The following SULF2 variants were observed in gnomAD, a reference collection of about 807,000 sequenced individuals.
The protein encoded by SULF2 is sulfatase 2.
Under a neutral mutation model 107.7 loss-of-function variants are expected in SULF2, and 52 were observed. That is an observed-to-expected ratio of 0.48 (90% CI 0.39 to 0.61). SULF2 has a LOEUF of 0.61. Ranked by LOEUF, SULF2 falls within the 20% of genes least tolerant of loss-of-function variation. SULF2 has a pLI of 0.00. For missense variants in SULF2, 993 were observed against 1,177.3 expected, an observed-to-expected ratio of 0.84 and a Z score of 2.29; for synonymous variants, 460 against 464.3, an observed-to-expected ratio of 0.99 and a Z score of 0.12.
chr20:47,705,174 G>A (rs1465334458), intron 3 of SULF2, among the ~76,000 whole-genome samples: 1 of 152,218 alleles, frequency 6.6e-6, no homozygotes, highest in Admixed American at 6.5e-5. Flanking sequence ...GGGAGGAGCT[G>A]ATGAAACACC....
intron 2 of SULF2, among the ~76,000 whole-genome samples, chr20:47,753,418 T>C (rs1054137159): frequency 3.9e-5 from 6 of 152,214 alleles, no homozygotes; most frequent in African/African-American, 1.2e-4. Context: ...AAGAAGAAAG[T>C]CTTGGCAGGT....
At position 47,673,940 on chromosome 20, in the gene SULF2, G is replaced by T. The variant is rs576220536; in HGVS notation, c.1381-1547C>A. On this transcript the variant is annotated intron_variant, in intron 10 of 20. Transcript: ENST00000688720. ...CTGTCCACTTAGCTCTCTCTGCCTG[G>T]AATTCTCCTTCCCCACTGCCTGCTC... Among the ~76,000 whole-genome samples the T allele has an allele frequency of 3.9e-5, 6 of 152,306 alleles. 1 individual carries two copies. In the South Asian group the frequency reaches 8.3e-4, roughly 21 times the overall value.
intron 4 of SULF2, among the ~76,000 whole-genome samples, chr20:47,691,470 A>G (rs2088194434): frequency 6.6e-6 from 1 of 152,174 alleles, no homozygotes; most frequent in East Asian, 1.9e-4. Flanking sequence ...GCCCACCCCC[A>G]GAGATTCTGG....
intron 2 of SULF2, among the ~76,000 whole-genome samples, chr20:47,752,583 AC>A (rs1366329311): frequency 7.4e-5 from 9 of 122,150 alleles, no homozygotes; most frequent in East Asian, 2.5e-4. Flanking sequence ...AAAAAAAAAA[AC>A]CCCAAAAACT....
intron 5 of SULF2, chr20:47,689,877 C>G: frequency 2.7e-6 from 1 of 369,524 alleles, no homozygotes; most frequent in Non-Finnish European, 4.8e-6. Flanking sequence ...CAGTTCCATC[C>G]ACACACCTCT....
At chr20:47,745,309 C>A (rs2089979812) in intron 2 of SULF2, among the ~76,000 whole-genome samples, 1 of 148,086 alleles carries the variant, frequency 6.8e-6, no homozygotes, top group Admixed American at 6.8e-5. Flanking sequence ...AGCCACCCTG[C>A]ACCTCAGTTT....
intron 4 of SULF2, among the ~76,000 whole-genome samples, chr20:47,701,037 T>C (rs1472683185): frequency 2.0e-5 from 3 of 152,176 alleles, no homozygotes; most frequent in Non-Finnish European, 4.4e-5. Flanking sequence ...CTAAAAGCCA[T>C]GGACAAAGAT....
At chr20:47,690,722 T>C (rs1050916749) in intron 4 of SULF2, among the ~76,000 whole-genome samples, 3 of 151,926 alleles carry the variant, frequency 2.0e-5, no homozygotes, top group African/African-American at 7.3e-5. Context: ...ATACAAAAAT[T>C]AGCCAGGCGT....
intron 1 of SULF2, among the ~76,000 whole-genome samples, chr20:47,767,878 C>T (rs2090555512): frequency 6.6e-6 from 1 of 150,948 alleles, no homozygotes; most frequent in African/African-American, 2.4e-5. Context: ...CACTGCACTC[C>T]AGCCTAGGCG....
At chr20:47,676,670 G>C in intron 9 of SULF2, 47 bp from the exon 10 acceptor site, 1 of 1,544,804 alleles carries the variant, frequency 6.5e-7, no homozygotes, top group Admixed American at 2.0e-5. Flanking sequence ...CTCAGCTCTG[G>C]AGGAGCCCCG....
chr20:47,763,219 T>C (rs1025701633), intron 1 of SULF2, among the ~76,000 whole-genome samples: 4 of 152,188 alleles, frequency 2.6e-5, no homozygotes, highest in African/African-American at 9.7e-5. Context: ...CTCCAGGACC[T>C]TGGCAAAGGC....
intron 3 of SULF2, among the ~76,000 whole-genome samples, chr20:47,703,121 C>T (rs1166024720): frequency 3.3e-5 from 5 of 151,952 alleles, no homozygotes; most frequent in South Asian, 4.2e-4. Flanking sequence ...GACAGGGTTT[C>T]ACCATGTTGG....
chr20:47,714,511 C>A (rs1161114665), intron 3 of SULF2, among the ~76,000 whole-genome samples: 2 of 152,188 alleles, frequency 1.3e-5, no homozygotes, highest in East Asian at 1.9e-4. Context: ...CAAGCCACCA[C>A]TGCCTCTGCC....
chr20:47,659,003 AGTGAGAGT>A (rs2086982113), intron 20 of SULF2, among the ~76,000 whole-genome samples: 1 of 152,154 alleles, frequency 6.6e-6, no homozygotes, highest in Non-Finnish European at 1.5e-5. Flanking sequence ...ATGGCACTGG[AGTGAGAGT>A]TTGTAGCATG....
At chr20:47,730,050 G>A (rs1568869983) in intron 3 of SULF2, among the ~76,000 whole-genome samples, 1 of 147,862 alleles carries the variant, frequency 6.8e-6, no homozygotes, top group African/African-American at 2.5e-5. Flanking sequence ...GGACACAGAG[G>A]CCCCCCAGAC....
chr20:47,719,225 T>A (rs557757766), intron 3 of SULF2, among the ~76,000 whole-genome samples: 3 of 152,362 alleles, frequency 2.0e-5, no homozygotes, highest in African/African-American at 7.2e-5. Flanking sequence ...ATTTTATGTG[T>A]AAAGAAGCAT....
Position 47,678,394 on chromosome 20 carries a change from T to A in SULF2, c.1193+282A>T, listed in dbSNP as rs6018635. The A allele has an allele frequency of 0.3, 119,088 of 394,580 alleles. 18,908 individuals are homozygous for A. Among genetic ancestry groups the A allele is most frequent in the Middle Eastern group, 0.42 (586 of 1,384 alleles). 24.4% of individuals were successfully genotyped at this position (394,580 alleles called of 1,614,324 possible). A position where few individuals can be genotyped will look rare whatever the true frequency, so the allele number is the denominator to read the frequency against. On this transcript the variant is annotated intron_variant, in intron 8 of 20. Coordinates refer to ENST00000688720, the MANE Select transcript of SULF2 (RefSeq NM_001387048.1). The surrounding 1 kb of genome is among the most constrained non-coding windows in gnomAD (Gnocchi z 4.5). ...CACAAGCGCCGTGCAGTTAGCACCA[T>A]CTCCTACCATCACTGCTGCTATCAT... is the stretch of plus-strand genomic sequence containing the variant.
chr20:47,697,472 C>G (rs2088419843), intron 4 of SULF2, among the ~76,000 whole-genome samples: 1 of 152,206 alleles, frequency 6.6e-6, no homozygotes, highest in South Asian at 2.1e-4. Flanking sequence ...TGATCTAGGG[C>G]CCAGGGCACA....
At chr20:47,751,749 G>A (rs73137515) in intron 2 of SULF2, among the ~76,000 whole-genome samples, 15,626 of 152,224 alleles carry the variant, frequency 0.1, 988 homozygotes, top group South Asian at 0.22. Flanking sequence ...CTCGAGTTGG[G>A]TTTACATCAC....
Sources: gnomAD v4.1 joint callset for allele counts (sites outside exome capture counted in the v4.1 genomes callset) on GRCh38, gnomAD v4.1.1 for gene constraint, Gnocchi (gnomAD v3.1) non-coding constraint, MANE v1.5 for transcripts, NCBI Gene and HGNC (gene_info 2026-07-23, HGNC 2026-07-21) for gene names.